LY9: variants seen among roughly 807,000 people sequenced by gnomAD.
The protein encoded by LY9 is lymphocyte antigen 9, also known as T-lymphocyte surface antigen Ly-9.
Under a neutral mutation model 64.6 loss-of-function variants are expected in LY9, and 59 were observed. The ratio of observed to expected loss-of-function variants is 0.91; its 90% CI spans 0.74 to 1.13. The LOEUF is 1.13. Ranked by LOEUF, LY9 falls within the 50% of genes most tolerant of loss-of-function variation. The pLI is 0.00. For missense variants in LY9, 789 were observed against 797.2 expected, an observed-to-expected ratio of 0.99 and a Z score of 0.12; for synonymous variants, 281 against 308.5, an observed-to-expected ratio of 0.91 and a Z score of 0.93.
intron 9 of LY9, among the ~76,000 whole-genome samples, chr1:160,825,241 T>A (rs1668790855): frequency 6.6e-6 from 1 of 152,090 alleles, no homozygotes; most frequent in Non-Finnish European, 1.5e-5. Flanking sequence ...AGGTAGAATT[T>A]ATCATTAAAT....
chr1:160,814,644 G>A lies in LY9; in HGVS notation c.955G>A (p.Asp319Asn). 6 of 1,614,168 alleles carry A rather than the reference G, an allele frequency of 3.7e-6. No homozygotes were observed. The highest frequency in any genetic ancestry group is 1.3e-5 in the African/African-American group (1 of 75,024). ...YKNRVWVSSQ[D>N]CSLKISQLKI... Reference sequence around the variant, plus strand: ...GAACAGGGTGTGGGTCTCCAGCCAGGACTGCTCCCTGAAGATCAGCCAGCT... The same window carrying A: ...GAACAGGGTGTGGGTCTCCAGCCAGAACTGCTCCCTGAAGATCAGCCAGCT... The change falls in exon 4 of 10, where the codon GAC becomes AAC. Residue 319 changes from aspartate to asparagine, a missense_variant. Asp to Asn is a conservative substitution (Grantham distance 23). Transcript: ENST00000263285.
At chr1:160,801,993 C>G in intron 2 of LY9, 1 of 1,560,880 alleles carries the variant, frequency 6.4e-7, no homozygotes, top group Non-Finnish European at 8.7e-7. Context: ...CTGGAAGGGT[C>G]CTGCCGATGG....
chr1:160,818,294 G>C lies in LY9; in HGVS notation c.1419G>C (p.Trp473Cys), dbSNP rs116260229. The change falls in exon 6 of 10, where the codon TGG (tryptophan) becomes TGC (cysteine). Residue 473 changes from tryptophan to cysteine, a missense_variant. Coordinates refer to ENST00000263285, the MANE Select transcript of LY9 (RefSeq NM_002348.4). Reference protein sequence around the residue: ...VCLLCVGIFSWCIWKRKGRCS... With the variant: ...VCLLCVGIFSCCIWKRKGRCS... ...TTCTGTGCGTTGGGATCTTCAGCTGGTGCATTTGGAAGCGAAAAGGACGGT... is the reference window on the plus strand; with the variant it reads ...TTCTGTGCGTTGGGATCTTCAGCTGCTGCATTTGGAAGCGAAAAGGACGGT... 1.9e-6 allele frequency: 3 copies of C among 1,614,040 alleles called. No homozygotes were observed. The highest frequency in any genetic ancestry group is 2.2e-5 in the East Asian group (1 of 44,880).
Position 160,802,205 on chromosome 1 carries a change from C to A in LY9, c.454+2123C>A, listed in dbSNP as rs962242820. 104 of 1,164,902 alleles carry A rather than the reference C, an allele frequency of 8.9e-5. No homozygotes were observed. The African/African-American group carries it at 1.4e-3, about 16-fold the overall frequency. The allele number at this position is 1,164,902 out of a possible 1,614,324, so 72.2% of individuals were successfully genotyped here. A position where few individuals can be genotyped will look rare whatever the true frequency, so the allele number is the denominator to read the frequency against. On this transcript the variant is annotated intron_variant, in intron 2 of 9. Transcript: ENST00000263285. ...CCAGTGGGGTTTGTGCTTGGTCTTT[C>A]TCCGCTTGGATTTGCTTATTTATTG...
intron 1 of LY9, among the ~76,000 whole-genome samples, chr1:160,798,164 C>T (rs757470425): frequency 1.3e-5 from 2 of 152,090 alleles, no homozygotes; most frequent in African/African-American, 2.4e-5. Flanking sequence ...GTCTGTGAGG[C>T]TTTTGTTTAT....
intron 1 of LY9, chr1:160,797,344 C>T: frequency 1.1e-6 from 1 of 934,042 alleles, no homozygotes; most frequent in Non-Finnish European, 1.3e-6. Context: ...AGAAACACTC[C>T]TAGATGCAGA....
chr1:160,825,326 C>G (rs969244009), intron 9 of LY9, among the ~76,000 whole-genome samples: 1 of 152,044 alleles, frequency 6.6e-6, no homozygotes, highest in Non-Finnish European at 1.5e-5. Context: ...ACACATTCTT[C>G]TTTGATCTTT....
intron 9 of LY9, among the ~76,000 whole-genome samples, chr1:160,826,886 T>TG (rs1668878424): frequency 6.6e-6 from 1 of 152,312 alleles, no homozygotes; most frequent in Admixed American, 6.5e-5. Context: ...CCTTTGTGTT[T>TG]GGGTCAATAC....
intron 2 of LY9, among the ~76,000 whole-genome samples, chr1:160,808,189 C>G (rs1667165551): frequency 6.6e-6 from 1 of 152,186 alleles, no homozygotes; most frequent in Non-Finnish European, 1.5e-5. Flanking sequence ...CACTACTTTA[C>G]CCAGTCTCAG....
In LY9 at chr1:160,809,880, A is replaced by G. The variant is rs1156718936; in HGVS notation, c.455-3756A>G. 5 of 151,970 alleles carry G rather than the reference A, an allele frequency of 3.3e-5. No homozygotes were observed. In the East Asian group the frequency reaches 7.8e-4, roughly 24 times the overall value. The allele number at this position is 151,970 out of a possible 1,614,324, so 9.4% of individuals were successfully genotyped here. ...TGAGATGAGCATCTCTTCATGTTTT[A>G]TGTTTTATGTTTGTTTTGATAGACA... On this transcript the variant is annotated intron_variant, in intron 2 of 9. Transcript: ENST00000263285.
At chr1:160,817,965 A>G (rs1040612005) in intron 5 of LY9, among the ~76,000 whole-genome samples, 2 of 152,182 alleles carry the variant, frequency 1.3e-5, no homozygotes. Context: ...CAGGTCAGAC[A>G]CTTGAAACAC....
intron 9 of LY9, among the ~76,000 whole-genome samples, chr1:160,827,312 G>T (rs16832432): frequency 1.3e-5 from 2 of 152,218 alleles, no homozygotes; most frequent in South Asian, 4.2e-4. Flanking sequence ...TCTCAGACAG[G>T]GAAGCCTAAG....
intron 1 of LY9, among the ~76,000 whole-genome samples, chr1:160,797,862 T>TACACACAC (rs57306367): frequency 6.6e-6 from 1 of 150,618 alleles, no homozygotes; most frequent in African/African-American, 2.4e-5. Flanking sequence ...AGATGATCTA[T>TACACACAC]ACACACACAC....
At position 160,818,419 on chromosome 1, in the gene LY9, T is replaced by G. The variant is rs575257756; in HGVS notation, c.1444+100T>G. 41 of 808,304 alleles carry G rather than the reference T, an allele frequency of 5.1e-5. No homozygotes were observed. The South Asian group carries it at 5.7e-4, about 11-fold the overall frequency. The allele number at this position is 808,304 out of a possible 1,614,324, so 50.1% of individuals were successfully genotyped here. On this transcript the variant is annotated intron_variant, in intron 6 of 9. Transcript: ENST00000263285. ...CACACAATCCCGTGCTACCCCTCCC[T>G]GCCAGCATCTTATTTCTTCTCAGAG...
At chr1:160,809,286 C>G (rs1377038135) in intron 2 of LY9, among the ~76,000 whole-genome samples, 1 of 151,450 alleles carries the variant, frequency 6.6e-6, no homozygotes, top group Non-Finnish European at 1.5e-5. Flanking sequence ...TTCCAAGTAG[C>G]TGGGACTACA....
intron 4 of LY9, chr1:160,815,214 C>T (rs900985222): frequency 1.2e-5 from 2 of 161,276 alleles, no homozygotes; most frequent in African/African-American, 2.4e-5. Context: ...GTGGTGGGCG[C>T]CTGTAATCCA....
rs1056497079 is a variant in LY9, at chr1:160,802,754, T to C, written c.454+2672T>C. 8.4e-6 allele frequency: 7 copies of C among 830,618 alleles called. No individual in the cohort carries two copies. The African/African-American group carries it at 1.1e-4, about 13-fold the overall frequency. 51.5% of individuals were successfully genotyped at this position (830,618 alleles called of 1,614,324 possible). A position where few individuals can be genotyped will look rare whatever the true frequency, so the allele number is the denominator to read the frequency against. ...AAGTATCTTTTCTCCCCAGTGTAAG[T>C]TTTTGTTGGATTTGTCAAAGGTCAA... On this transcript the variant is annotated intron_variant, in intron 2 of 9. Coordinates refer to ENST00000263285, the MANE Select transcript of LY9 (RefSeq NM_002348.4).
At chr1:160,814,941 G>A in intron 4 of LY9, 180 bp downstream of exon 4, 2 of 614,002 alleles carry the variant, frequency 3.3e-6, no homozygotes, top group Non-Finnish European at 5.7e-6. Flanking sequence ...ATGACTAGCT[G>A]CTGGACAAGT....
intron 2 of LY9, among the ~76,000 whole-genome samples, chr1:160,805,295 GT>G (rs959613784): frequency 5.3e-4 from 75 of 142,268 alleles, no homozygotes; most frequent in African/African-American, 1.5e-3. Flanking sequence ...GGTATGTTGT[GT>G]TTTTTTTTTC....
Sources: allele counts gnomAD v4.1 joint callset (sites outside exome capture counted in the v4.1 genomes callset), GRCh38; gene constraint gnomAD v4.1.1; transcripts MANE v1.5; gene names NCBI Gene and HGNC (gene_info 2026-07-23, HGNC 2026-07-21).